The following MTUS2 variants were observed in gnomAD, a reference collection of about 807,000 sequenced individuals.
MTUS2 encodes the protein microtubule associated scaffold protein 2.
In MTUS2, 40 loss-of-function variants were observed where a neutral mutation model predicts 114.1. The observed-to-expected ratio is 0.35, with a 90% CI of 0.27 to 0.46. The LOEUF is 0.46. MTUS2 is among the 20% of genes least tolerant of loss of function. The probability of loss-of-function intolerance (pLI) is 1.00; values close to 1 mark genes in which losing one functional copy is unlikely to be tolerated. For missense variants in MTUS2, 1,679 were observed against 1,705.4 expected, an observed-to-expected ratio of 0.98 and a Z score of 0.27; for synonymous variants, 688 against 672.0, an observed-to-expected ratio of 1.02 and a Z score of -0.37.
At chr13:29,022,691 G>A (rs536768890) in intron 2 of MTUS2, among the ~76,000 whole-genome samples, 15 of 152,156 alleles carry the variant, frequency 9.9e-5, no homozygotes, top group Non-Finnish European at 1.9e-4. Context: ...AATTGGTGAC[G>A]GGGCAGAACC....
At chr13:29,162,587 A>G (rs1723912289) in intron 5 of MTUS2, among the ~76,000 whole-genome samples, 1 of 152,234 alleles carries the variant, frequency 6.6e-6, no homozygotes, top group African/African-American at 2.4e-5. Context: ...CAAAATACCA[A>G]GTGATCAGTT....
intron 9 of MTUS2, among the ~76,000 whole-genome samples, chr13:29,452,724 G>A (rs909026792): frequency 6.6e-6 from 1 of 151,954 alleles, no homozygotes; most frequent in African/African-American, 2.4e-5. Flanking sequence ...GATTACAGAT[G>A]TGAGCCACTG....
At chr13:28,997,873 G>A (rs1885191343) in intron 2 of MTUS2, among the ~76,000 whole-genome samples, 1 of 152,154 alleles carries the variant, frequency 6.6e-6, no homozygotes, top group African/African-American at 2.4e-5. Context: ...TTTAATTGGA[G>A]CATTTTGCCC....
chr13:29,008,062 A>C (rs1885677051), intron 2 of MTUS2, among the ~76,000 whole-genome samples: 3 of 152,160 alleles, frequency 2.0e-5, no homozygotes, highest in African/African-American at 4.8e-5. Flanking sequence ...TAAATGCCGC[A>C]TGAGGCTGGT....
At chr13:29,368,698 GC>G (rs1870947718) in intron 8 of MTUS2, among the ~76,000 whole-genome samples, 1 of 152,194 alleles carries the variant, frequency 6.6e-6, no homozygotes, top group Admixed American at 6.5e-5. Context: ...AGCTGGTACA[GC>G]CCCCTGTGTT....
chr13:29,127,412 A>G (rs1237481360), intron 5 of MTUS2, among the ~76,000 whole-genome samples: 1 of 152,212 alleles, frequency 6.6e-6, no homozygotes, highest in Non-Finnish European at 1.5e-5. Context: ...TAACATCTAT[A>G]ATTTGCTGAC....
At chr13:29,085,854 G>A (rs1186109561) in intron 4 of MTUS2, among the ~76,000 whole-genome samples, 2 of 152,086 alleles carry the variant, frequency 1.3e-5, no homozygotes, top group Admixed American at 6.5e-5. Flanking sequence ...TTGAGAATTC[G>A]CTAAACTGCT....
At chr13:29,466,054 G>A (rs1200123285) in intron 9 of MTUS2, among the ~76,000 whole-genome samples, 2 of 152,242 alleles carry the variant, frequency 1.3e-5, no homozygotes, top group Non-Finnish European at 2.9e-5. Context: ...TCCAGCATCT[G>A]AAGGTTGGAC....
chr13:29,044,138 A>T (rs190178479), intron 4 of MTUS2, among the ~76,000 whole-genome samples: 2 of 152,170 alleles, frequency 1.3e-5, no homozygotes, highest in Admixed American at 1.3e-4. Context: ...CATTTATTGT[A>T]GTGGAGGTTT....
chr13:28,933,898 A>G (rs56323126), intron 2 of MTUS2, among the ~76,000 whole-genome samples: 12,748 of 152,286 alleles, frequency 0.084, 600 homozygotes, highest in South Asian at 0.13. Context: ...CTTATATGGG[A>G]TTCTCTGTTG....
At chr13:29,254,942 G>T (rs1897245868) in intron 5 of MTUS2, among the ~76,000 whole-genome samples, 1 of 152,172 alleles carries the variant, frequency 6.6e-6, no homozygotes, top group South Asian at 2.1e-4. Context: ...TACTTTTAAA[G>T]TTATAATTCC....
chr13:28,838,077 A>G (rs766388154), intron 1 of MTUS2, among the ~76,000 whole-genome samples: 1 of 152,188 alleles, frequency 6.6e-6, no homozygotes, highest in Non-Finnish European at 1.5e-5. Flanking sequence ...ATCCTCACAT[A>G]ATTAATCTAA....
chr13:29,168,687 G>C (rs898198819), intron 5 of MTUS2, among the ~76,000 whole-genome samples: 9 of 152,148 alleles, frequency 5.9e-5, no homozygotes, highest in Non-Finnish European at 1.0e-4. Context: ...CTGACAACTG[G>C]AATATTTTAT....
At chr13:28,927,172 C>CAT (rs1447274222) in intron 2 of MTUS2, among the ~76,000 whole-genome samples, 1 of 152,084 alleles carries the variant, frequency 6.6e-6, no homozygotes, top group Non-Finnish European at 1.5e-5. Flanking sequence ...TAAATAGAAA[C>CAT]ATAATTTATG....
At chr13:28,903,121 C>T (rs1367563237) in intron 2 of MTUS2, among the ~76,000 whole-genome samples, 3 of 152,132 alleles carry the variant, frequency 2.0e-5, no homozygotes, top group African/African-American at 7.2e-5. Context: ...TTTAGCCACT[C>T]TGTGAGGATA....
chr13:29,110,911 A>G (rs955945075), intron 5 of MTUS2, among the ~76,000 whole-genome samples: 1 of 152,232 alleles, frequency 6.6e-6, no homozygotes, highest in Admixed American at 6.5e-5. Flanking sequence ...GAAAAGAAAT[A>G]TGACATATTA....
intron 9 of MTUS2, among the ~76,000 whole-genome samples, chr13:29,440,598 G>A (rs1235973037): frequency 2.0e-5 from 3 of 152,120 alleles, no homozygotes; most frequent in Non-Finnish European, 2.9e-5. Context: ...TTTCACCGTA[G>A]GTCAAGGACA....
At chr13:28,954,237 A>G (rs1882954733) in intron 2 of MTUS2, among the ~76,000 whole-genome samples, 1 of 152,192 alleles carries the variant, frequency 6.6e-6, no homozygotes, top group Non-Finnish European at 1.5e-5. Flanking sequence ...TTGCTGAAGA[A>G]TTTCTCAGTG....
intron 5 of MTUS2, among the ~76,000 whole-genome samples, chr13:29,262,580 AAAAAGT>A (rs1490386173): frequency 2.6e-5 from 4 of 152,058 alleles, no homozygotes; most frequent in Non-Finnish European, 5.9e-5. Flanking sequence ...TAAAAAAAAA[AAAAAGT>A]AAGTTTGAAG....
Sources: allele counts gnomAD v4.1 joint callset (sites outside exome capture counted in the v4.1 genomes callset), GRCh38; gene constraint gnomAD v4.1.1; transcripts MANE v1.5; gene names NCBI Gene and HGNC (gene_info 2026-07-23, HGNC 2026-07-21).